ZNF525: variants seen among roughly 807,000 people sequenced by gnomAD.
ZNF525 encodes zinc finger protein 525.
A neutral mutation model predicts 37.6 loss-of-function variants in ZNF525; 33 were observed. The ratio of observed to expected loss-of-function variants is 0.88; its 90% confidence interval spans 0.67 to 1.17. The LOEUF (loss-of-function observed/expected upper bound fraction) is 1.17, where lower values mean the gene tolerates loss of function less well. Ranked by LOEUF, ZNF525 falls within the 50% of genes most tolerant of loss-of-function variation. The pLI, the probability that ZNF525 is intolerant of heterozygous loss-of-function variation, is 0.00. For synonymous variants in ZNF525, 170 were observed against 182.3 expected, an observed-to-expected ratio of 0.93 and a Z score of 0.54; for missense variants, 449 against 543.1, an observed-to-expected ratio of 0.83 and a Z score of 1.72.
chr19:53,372,663 A>T (rs1037583711), intron 2 of ZNF525, among the ~76,000 whole-genome samples: 2 of 152,224 alleles, frequency 1.3e-5, no homozygotes, highest in African/African-American at 4.8e-5. Flanking sequence ...GAAGTCACGC[A>T]CTAATGTGCA....
rs557709674 is a variant in ZNF525, at chr19:53,378,583, A to T, written c.143-2139A>T. Among the ~76,000 whole-genome samples, 3 of 152,254 alleles carry T rather than the reference A, an allele frequency of 2.0e-5. 1 individual carries two copies. In the South Asian group the frequency reaches 6.2e-4, roughly 32 times the overall value. On this transcript the variant is annotated intron_variant, in intron 3 of 3. Transcript: ENST00000474037. ...TAAACTGGGAGGCTTAAGACACAGA[A>T]ATTTATTTCTCATGAGTTTGGAAAG...
chr19:53,385,560 G>A lies in ZNF525; in HGVS notation c.*3541G>A, dbSNP rs12983975. Reference sequence around the variant, plus strand: ...AAATTAGCTGGGCATGGTGGCACATGCCTGCCGTCTCAGTTATTGTGAAGT... The same window carrying A: ...AAATTAGCTGGGCATGGTGGCACATACCTGCCGTCTCAGTTATTGTGAAGT... On this transcript the variant is annotated 3_prime_UTR_variant, in exon 4 of 4. Transcript: ENST00000474037. 0.4 allele frequency: 61,885 copies of A among 153,068 alleles called. 15,207 individuals are homozygous for A. The highest frequency in any genetic ancestry group is 0.54 in the Admixed American group (8,237 of 15,296). The allele number at this position is 153,068 out of a possible 1,614,324, so 9.5% of individuals were successfully genotyped here.
intron 2 of ZNF525, chr19:53,372,540 A>T: frequency 9.9e-7 from 1 of 1,012,226 alleles, no homozygotes; most frequent in Non-Finnish European, 1.5e-6. Context: ...ATGGATGGAG[A>T]CGGGGTGAGG....
At chr19:53,369,151 TTTAAACTATTCACCAGG>T (rs1466349534) in intron 1 of ZNF525, among the ~76,000 whole-genome samples, 1 of 152,206 alleles carries the variant, frequency 6.6e-6, no homozygotes, top group Non-Finnish European at 1.5e-5. Context: ...TTGCATGAAT[TTTAAACTATTCACCAGG>T]TGAAAACTTG....
chr19:53,374,416 C>T (rs188299289), intron 2 of ZNF525, among the ~76,000 whole-genome samples: 1 of 152,258 alleles, frequency 6.6e-6, no homozygotes, highest in Non-Finnish European at 1.5e-5. Context: ...GTGATTTTTC[C>T]CTGTATAAAG....
At chr19:53,370,146 T>C (rs1260514603) in intron 1 of ZNF525, among the ~76,000 whole-genome samples, 4 of 149,832 alleles carry the variant, frequency 2.7e-5, no homozygotes, top group Non-Finnish European at 4.4e-5. Flanking sequence ...GGTAGCTGGG[T>C]GCGGTGGCCC....
In ZNF525 at chr19:53,381,372, C is replaced by T. The variant is rs531281783; in HGVS notation, c.793C>T (p.His265Tyr). 6.9e-6 allele frequency: 11 copies of T among 1,596,222 alleles called. No individual in the cohort carries two copies. The African/African-American group carries it at 1.5e-4, about 21-fold the overall frequency. The change falls in exon 4 of 4, where the codon CAC becomes TAC. Residue 265 changes from histidine (H) to tyrosine (Y), a missense_variant. By Grantham distance (83) the His-to-Tyr change is moderately conservative. This residue lies in a region of ZNF525 where 271 missense variants were observed against 381.6 expected (regional missense o/e 0.71). Transcript: ENST00000474037. ...KRYLARHRRC[H>Y]TGEKPYKCNE... is the part of the protein sequence containing the mutation. Reference sequence around the variant, plus strand: ...ATACCTTGCACGCCATCGTAGATGTCACACTGGTGAGAAACCTTACAAGTG... The same window carrying T: ...ATACCTTGCACGCCATCGTAGATGTTACACTGGTGAGAAACCTTACAAGTG...
Position 53,381,020 on chromosome 19 carries a change from T to A in ZNF525, c.441T>A (p.His147Gln), listed in dbSNP as rs749044040. The A allele has an allele frequency of 6.3e-7, 1 of 1,582,338 alleles. No homozygotes were observed. Among genetic ancestry groups the A allele is most frequent in the South Asian group, 1.1e-5 (1 of 90,422 alleles). Residue 147 changes from histidine (H) to glutamine (Q), a missense_variant, in exon 4 of 4, where the codon CAT becomes CAA. Transcript: ENST00000474037. ...AGCTTGGATCAAGCTTTCATTCACA[T>A]CTGTCTGAACTCCACATATTTCAGC... ...KYQLGSSFHS[H>Q]LSELHIFQPK...
At chr19:53,376,271 A>G (rs776011046) in intron 3 of ZNF525, 2 of 702,574 alleles carry the variant, frequency 2.8e-6, no homozygotes, top group South Asian at 1.5e-5. Context: ...AACTTTTTGC[A>G]TATGTGTGTC....
rs2085576103 is a variant in ZNF525, at chr19:53,382,717, TAAAG to T, written c.*700_*703del. ...TTGCAAATCATTGGAGAATCCATAATAAAGAGAGACCTTACAAGTGTGATAAATG... is the reference window on the plus strand; with the variant it reads ...TTGCAAATCATTGGAGAATCCATAATAGAGACCTTACAAGTGTGATAAATG... On this transcript the variant is annotated 3_prime_UTR_variant, in exon 4 of 4. Coordinates refer to ENST00000474037, the MANE Select transcript of ZNF525 (RefSeq NM_001348156.2). 4 of 772,278 alleles carry T rather than the reference TAAAG, an allele frequency of 5.2e-6. No homozygotes were observed. The highest frequency in any genetic ancestry group is 4.6e-6 in the Non-Finnish European group (2 of 434,048). 47.8% of individuals were successfully genotyped at this position (772,278 alleles called of 1,614,324 possible).
intron 1 of ZNF525, among the ~76,000 whole-genome samples, chr19:53,371,865 T>C (rs1388514401): frequency 6.6e-6 from 1 of 152,120 alleles, no homozygotes; most frequent in Non-Finnish European, 1.5e-5. Context: ...CCTAGGCTGG[T>C]CTCAAACTCC....
rs2085594051 is a variant in ZNF525 at position 53,384,877 on chromosome 19, A to G, written c.*2858A>G. The stretch of plus-strand genomic sequence containing the variant: ...ATCATGTGAGATCGTACAGGAAAGC[A>G]TTCCATTTTCCCTGCTTGGTTATTT... On this transcript the variant is annotated 3_prime_UTR_variant, in exon 4 of 4. Transcript: ENST00000474037. The G allele has an allele frequency of 4.3e-6, 3 of 690,462 alleles. No individual in the cohort carries two copies. The East Asian group carries it at 8.1e-5, about 19-fold the overall frequency. The allele number at this position is 690,462 out of a possible 1,614,324, so 42.8% of individuals were successfully genotyped here.
At position 53,376,750 on chromosome 19, in the gene ZNF525, C is replaced by A. The variant is rs185047651; in HGVS notation, c.142+854C>A. ...TTTGGAAGGCCGGGGGTGGGCAAAT[C>A]ACCTGAGGTCAGGAGTTCAAAACCA... On this transcript the variant is annotated intron_variant, in intron 3 of 3. Transcript: ENST00000474037. 8.5e-5 allele frequency among the ~76,000 whole-genome samples: 13 copies of A among 152,236 alleles called. No homozygotes were observed. The East Asian group carries it at 2.5e-3, about 29-fold the overall frequency.
intron 3 of ZNF525, chr19:53,376,239 T>C (rs536325767): frequency 1.4e-6 from 1 of 706,054 alleles, no homozygotes; most frequent in East Asian, 2.7e-5. Context: ...CCCCCGTACC[T>C]AACTATTGGC....
At chr19:53,378,085 T>G (rs1036437243) in intron 3 of ZNF525, among the ~76,000 whole-genome samples, 1 of 152,092 alleles carries the variant, frequency 6.6e-6, no homozygotes, top group African/African-American at 2.4e-5. Flanking sequence ...CAGTTTGGGA[T>G]GCTGAGGTGG....
At chr19:53,376,769 A>C (rs947692354) in intron 3 of ZNF525, among the ~76,000 whole-genome samples, 4 of 152,166 alleles carry the variant, frequency 2.6e-5, no homozygotes, top group African/African-American at 9.7e-5. Context: ...TCAGGAGTTC[A>C]AAACCAGCCT....
rs554592537 is a variant in ZNF525, at chr19:53,367,256, CTTCTT to C, written c.-68+1505_-68+1509del. The stretch of plus-strand genomic sequence containing the variant: ...AGTGAGCTTGCTAGGCAGAGGAAAA[CTTCTT>C]TTCTTTTTAACCCTTGCCTTGCCTG... On this transcript the variant is annotated intron_variant, in intron 1 of 3. Coordinates refer to ENST00000474037, the MANE Select transcript of ZNF525 (RefSeq NM_001348156.2). Among the ~76,000 whole-genome samples, 122 of 150,286 alleles carry C rather than the reference CTTCTT, an allele frequency of 8.1e-4. No homozygotes were observed. In the South Asian group the frequency reaches 9.6e-3, roughly 12 times the overall value.
chr19:53,379,932 G>A (rs563169834), intron 3 of ZNF525, among the ~76,000 whole-genome samples: 85 of 152,232 alleles, frequency 5.6e-4, no homozygotes, highest in South Asian at 3.5e-3. Context: ...AACCCAAAAG[G>A]TGGAGGTTGC....
intron 2 of ZNF525, among the ~76,000 whole-genome samples, chr19:53,374,762 G>T (rs2085510241): frequency 6.6e-6 from 1 of 152,174 alleles, no homozygotes; most frequent in African/African-American, 2.4e-5. Context: ...TGGGGAAAAT[G>T]ACAACCCTTT....
Sources: gnomAD v4.1 joint callset for allele counts (sites outside exome capture counted in the v4.1 genomes callset) on GRCh38, gnomAD v4.1.1 for gene constraint, gnomAD v4.1.1 regional missense constraint, MANE v1.5 for transcripts, NCBI Gene and HGNC (gene_info 2026-07-23, HGNC 2026-07-21) for gene names.